DYNC1LI2: variants seen among roughly 807,000 people sequenced by gnomAD.
DYNC1LI2 encodes dynein cytoplasmic 1 light intermediate chain 2, also known as cytoplasmic dynein 1 light intermediate chain 2.
Under a neutral mutation model 57.8 loss-of-function variants are expected in DYNC1LI2, and 19 were observed. That is an observed-to-expected ratio of 0.33 (90% confidence interval 0.23 to 0.48). The LOEUF (loss-of-function observed/expected upper bound fraction) is 0.48, where lower values mean the gene tolerates loss of function less well. Ranked by LOEUF, DYNC1LI2 falls within the 20% of genes least tolerant of loss-of-function variation. The pLI, the probability that DYNC1LI2 is intolerant of heterozygous loss-of-function variation, is 0.99. For synonymous variants in DYNC1LI2, 256 were observed against 233.4 expected (o/e 1.10, Z -0.88); for missense variants, 470 against 604.2 (o/e 0.78, Z 2.33).
intron 5 of DYNC1LI2, among the ~76,000 whole-genome samples, chr16:66,735,100 G>GTTTTTTTTT (rs71145936): frequency 1.5e-5 from 2 of 134,832 alleles, no homozygotes; most frequent in Non-Finnish European, 1.6e-5. Context: ...AACTTTGTTT[G>GTTTTTTTTT]TTTTTTTTTT....
chr16:66,744,746 G>C (rs564413031), intron 3 of DYNC1LI2, among the ~76,000 whole-genome samples: 3 of 152,218 alleles, frequency 2.0e-5, no homozygotes, highest in African/African-American at 7.2e-5. Context: ...TTTTAGTACA[G>C]ATGGGGTTTC....
intron 4 of DYNC1LI2, among the ~76,000 whole-genome samples, chr16:66,737,233 G>A (rs181428838): frequency 1.2e-4 from 19 of 152,186 alleles, no homozygotes; most frequent in Admixed American, 2.6e-4. Flanking sequence ...CTAAGATTGC[G>A]TCACTGTACT....
chr16:66,732,607 T>C, intron 6 of DYNC1LI2, 133 bp from the exon 7 acceptor site: 2 of 944,070 alleles, frequency 2.1e-6, no homozygotes, highest in Non-Finnish European at 2.9e-6. Context: ...ATTACAATTT[T>C]AAAAACTAAA....
chr16:66,726,928 T>G (rs1157236982), intron 11 of DYNC1LI2, among the ~76,000 whole-genome samples: 1 of 152,024 alleles, frequency 6.6e-6, no homozygotes, highest in Non-Finnish European at 1.5e-5. Context: ...CAGGCCTTTT[T>G]TTTTTTGAAA....
At chr16:66,750,663 T>A (rs1322944612) in intron 2 of DYNC1LI2, among the ~76,000 whole-genome samples, 1 of 152,192 alleles carries the variant, frequency 6.6e-6, no homozygotes, top group African/African-American at 2.4e-5. Flanking sequence ...TCGCCTATGC[T>A]GAGCCTGTGC....
chr16:66,738,936 A>G (rs1041302521), intron 4 of DYNC1LI2: 16 of 139,822 alleles, frequency 1.1e-4, no homozygotes, highest in African/African-American at 4.0e-4. Context: ...CACACACACA[A>G]ATACTTCACT....
intron 3 of DYNC1LI2, among the ~76,000 whole-genome samples, chr16:66,744,283 C>T (rs1425638817): frequency 6.6e-6 from 1 of 152,140 alleles, no homozygotes; most frequent in Admixed American, 6.5e-5. Context: ...AACTCCTAGG[C>T]TCAAGCAATG....
rs774654018 is a variant in DYNC1LI2 at position 66,732,402 on chromosome 16, T to C, written c.866A>G (p.His289Arg). 8 of 1,613,986 alleles carry C rather than the reference T, an allele frequency of 5.0e-6. No individual in the cohort carries two copies. Among genetic ancestry groups the C allele is most frequent in the Non-Finnish European group, 6.8e-6 (8 of 1,180,016 alleles). ...GGTGAAGTGGAAACCGTATGTTTTATGAACAATATACTTATACAACAAGTC... is the reference window on the plus strand; with the variant it reads ...GGTGAAGTGGAAACCGTATGTTTTACGAACAATATACTTATACAACAAGTC... ...NLDLLYKYIV[H>R]KTYGFHFTTP... The change falls in exon 7 of 13, where the codon CAT (histidine) becomes CGT (arginine). Residue 289 changes from histidine (H) to arginine (R), a missense_variant. Transcript: ENST00000258198.
intron 5 of DYNC1LI2, among the ~76,000 whole-genome samples, chr16:66,735,489 C>A (rs2017717220): frequency 6.7e-6 from 1 of 150,306 alleles, no homozygotes; most frequent in African/African-American, 2.5e-5. Context: ...CTTAAGGAAA[C>A]TGCTGTGAGT....
At chr16:66,737,430 G>A (rs573216832) in intron 4 of DYNC1LI2, among the ~76,000 whole-genome samples, 38 of 149,546 alleles carry the variant, frequency 2.5e-4, no homozygotes, top group African/African-American at 8.3e-4. Flanking sequence ...AGGCTGAGGC[G>A]GGAGACTCAG....
At chr16:66,747,424 C>T (rs186328445) in intron 3 of DYNC1LI2, among the ~76,000 whole-genome samples, 10 of 152,184 alleles carry the variant, frequency 6.6e-5, no homozygotes, top group African/African-American at 2.2e-4. Flanking sequence ...AATTACGGTG[C>T]TGGAAAGGAC....
At chr16:66,735,100 G>GT (rs71145936) in intron 5 of DYNC1LI2, among the ~76,000 whole-genome samples, 23,975 of 134,726 alleles carry the variant, frequency 0.18, 3,986 homozygotes, top group African/African-American at 0.46. Context: ...AACTTTGTTT[G>GT]TTTTTTTTTT....
intron 3 of DYNC1LI2, 119 bp downstream of exon 3, chr16:66,749,078 A>C: frequency 1.0e-6 from 1 of 970,212 alleles, no homozygotes; most frequent in Non-Finnish European, 1.6e-6. Context: ...TCTGTGATTA[A>C]CTCTCTGAGA....
chr16:66,730,918 G>A (rs1261532208), intron 7 of DYNC1LI2: 1 of 152,262 alleles, frequency 6.6e-6, no homozygotes, highest in Non-Finnish European at 1.5e-5. Context: ...AAAATACCCT[G>A]TATGACACAC....
chr16:66,732,621 C>T, intron 6 of DYNC1LI2, 147 bp from the exon 7 acceptor site: 2 of 779,978 alleles, frequency 2.6e-6, no homozygotes, highest in Non-Finnish European at 3.7e-6. Context: ...AACTAAAACG[C>T]TTATAGTATT....
chr16:66,738,103 T>C (rs1462104754), intron 4 of DYNC1LI2, among the ~76,000 whole-genome samples: 2 of 152,204 alleles, frequency 1.3e-5, no homozygotes, highest in African/African-American at 4.8e-5. Flanking sequence ...AGTTTTTATT[T>C]ACAAAGATTT....
intron 11 of DYNC1LI2, among the ~76,000 whole-genome samples, chr16:66,726,440 G>C (rs2017537258): frequency 6.6e-6 from 1 of 152,220 alleles, no homozygotes; most frequent in Non-Finnish European, 1.5e-5. Context: ...ACAATTCATA[G>C]ACAGTCATCA....
chr16:66,733,878 T>C (rs1007493245), intron 6 of DYNC1LI2: 1 of 214,836 alleles, frequency 4.7e-6, no homozygotes, highest in Non-Finnish European at 9.3e-6. Context: ...AATTAAAAAA[T>C]ACGCCGAGCG....
chr16:66,750,666 G>A (rs1190729329), intron 2 of DYNC1LI2, among the ~76,000 whole-genome samples: 1 of 152,152 alleles, frequency 6.6e-6, no homozygotes, highest in Admixed American at 6.6e-5. Flanking sequence ...CCTATGCTGA[G>A]CCTGTGCCCA....
Sources: allele counts gnomAD v4.1 joint callset (sites outside exome capture counted in the v4.1 genomes callset), GRCh38; gene constraint gnomAD v4.1.1; transcripts MANE v1.5; gene names NCBI Gene and HGNC (gene_info 2026-07-23, HGNC 2026-07-21).